Variants in RANBP2 observed in about 807,000 individuals in gnomAD.
The protein encoded by RANBP2 is RAN binding protein 2, also known as E3 SUMO-protein ligase RanBP2.
A neutral mutation model predicts 303.6 loss-of-function variants in RANBP2; 57 were observed. That is an observed-to-expected ratio of 0.19 (90% CI 0.15 to 0.23). The LOEUF is 0.23. RANBP2 is among the 10% of genes least tolerant of loss of function. The probability of loss-of-function intolerance (pLI) is 1.00; values close to 1 mark genes in which losing one functional copy is unlikely to be tolerated. For missense variants in RANBP2, 3,138 were observed against 3,780.8 expected (o/e 0.83, Z 4.46); for synonymous variants, 1,167 against 1,301.5 (o/e 0.90, Z 2.23).
At chr2:108,907,944 G>C in the RANBP2 span, 1 of 1,613,708 alleles carries the variant, frequency 6.2e-7, no homozygotes, top group Non-Finnish European at 8.5e-7. Context: ...AGCCCTGCTT[G>C]TCAGGGGCGG....
At chr2:108,904,494 A>G in the RANBP2 span, among the ~76,000 whole-genome samples, 3 of 152,264 alleles carry the variant, frequency 2.0e-5, no homozygotes, top group African/African-American at 7.2e-5. Flanking sequence ...ACTGATGTCC[A>G]CACAAAAACC....
chr2:109,685,882 G>A, the RANBP2 span, among the ~76,000 whole-genome samples: 1 of 152,274 alleles, frequency 6.6e-6, no homozygotes, highest in Admixed American at 6.5e-5. Context: ...GTTGGGAAGA[G>A]CATGGAACAA....
At chr2:108,865,141 A>G in the RANBP2 span, among the ~76,000 whole-genome samples, 1 of 151,866 alleles carries the variant, frequency 6.6e-6, no homozygotes, top group South Asian at 2.1e-4. Context: ...TTTTATATAT[A>G]TTTTATATAG....
chr2:109,061,166 G>A, the RANBP2 span, among the ~76,000 whole-genome samples: 3 of 152,008 alleles, frequency 2.0e-5, no homozygotes, highest in Admixed American at 2.0e-4. Flanking sequence ...GTCACTTGCT[G>A]TTGTCCAAGG....
the RANBP2 span, among the ~76,000 whole-genome samples, chr2:108,935,855 G>A: frequency 1.3e-5 from 2 of 152,182 alleles, no homozygotes; most frequent in Non-Finnish European, 2.9e-5. Context: ...TTATATACAA[G>A]TTTGGCCCCC....
chr2:109,468,808 C>T, the RANBP2 span, among the ~76,000 whole-genome samples: 1 of 144,096 alleles, frequency 6.9e-6, no homozygotes, highest in South Asian at 2.2e-4. Context: ...GAGCCAAGAT[C>T]GCGGCAGTGC....
At chr2:109,408,851 C>T in the RANBP2 span, among the ~76,000 whole-genome samples, 3 of 152,194 alleles carry the variant, frequency 2.0e-5, no homozygotes, top group South Asian at 2.1e-4. Context: ...CTGATGGGTG[C>T]GCACAGGGAG....
At chr2:108,985,116 CTT>C in the RANBP2 span, among the ~76,000 whole-genome samples, 7 of 152,152 alleles carry the variant, frequency 4.6e-5, no homozygotes, top group Non-Finnish European at 1.0e-4. Context: ...AGAATCAACT[CTT>C]TTTTATTTTC....
the RANBP2 span, among the ~76,000 whole-genome samples, chr2:109,042,287 T>C: frequency 1.3e-5 from 2 of 152,330 alleles, no homozygotes; most frequent in South Asian, 4.1e-4. Context: ...CTGAATGCAA[T>C]CTATGTTCTA....
chr2:109,460,416 G>A, the RANBP2 span, among the ~76,000 whole-genome samples: 5 of 152,264 alleles, frequency 3.3e-5, no homozygotes, highest in Admixed American at 1.3e-4. Context: ...CTGGTGGATT[G>A]GACACAGTGG....
the RANBP2 span, among the ~76,000 whole-genome samples, chr2:109,356,234 G>A: frequency 6.6e-6 from 1 of 152,080 alleles, no homozygotes; most frequent in Non-Finnish European, 1.5e-5. Context: ...ACACCAAAAT[G>A]ACTGCCAACT....
the RANBP2 span, among the ~76,000 whole-genome samples, chr2:109,202,224 G>A: frequency 7.0e-3 from 1,070 of 152,302 alleles, 17 homozygotes; most frequent in African/African-American, 0.025. Flanking sequence ...CCTGTGGACT[G>A]CAGAGTGAGG....
At chr2:109,712,957 G>A in the RANBP2 span, among the ~76,000 whole-genome samples, 1 of 152,166 alleles carries the variant, frequency 6.6e-6, no homozygotes, top group Non-Finnish European at 1.5e-5. Flanking sequence ...GCATGGCCCT[G>A]TATTGGGGGG....
At chr2:109,241,409 T>C in the RANBP2 span, among the ~76,000 whole-genome samples, 1 of 152,220 alleles carries the variant, frequency 6.6e-6, no homozygotes. Flanking sequence ...TGGGTATAGA[T>C]GCATTGGGGG....
At chr2:109,682,953 C>G in the RANBP2 span, among the ~76,000 whole-genome samples, 1 of 152,170 alleles carries the variant, frequency 6.6e-6, no homozygotes, top group Non-Finnish European at 1.5e-5. Flanking sequence ...TTTACCACCC[C>G]CGCTCAATCA....
the RANBP2 span, among the ~76,000 whole-genome samples, chr2:109,489,975 T>G: frequency 6.6e-6 from 1 of 152,192 alleles, no homozygotes; most frequent in East Asian, 1.9e-4. Context: ...TGACCTCAAG[T>G]GATCTGCCCA....
the RANBP2 span, among the ~76,000 whole-genome samples, chr2:109,241,710 C>A: frequency 3.1e-4 from 47 of 152,146 alleles, no homozygotes; most frequent in African/African-American, 9.9e-4. Flanking sequence ...TCTTCTCTGG[C>A]TTCTGTATCT....
the RANBP2 span, among the ~76,000 whole-genome samples, chr2:109,002,951 T>G: frequency 6.6e-6 from 1 of 152,112 alleles, no homozygotes; most frequent in Non-Finnish European, 1.5e-5. Flanking sequence ...CTCACACCTG[T>G]AATCCCAGCA....
At chr2:108,873,437 G>C in the RANBP2 span, 2 of 1,572,618 alleles carry the variant, frequency 1.3e-6, no homozygotes, top group Non-Finnish European at 1.7e-6. Context: ...AAGCACTGTT[G>C]ATTTGTTTTG....
Sources: allele counts gnomAD v4.1 joint callset (sites outside exome capture counted in the v4.1 genomes callset), GRCh38; gene constraint gnomAD v4.1.1; transcripts MANE v1.5; gene names NCBI Gene and HGNC (gene_info 2026-07-23, HGNC 2026-07-21).